The following SLC8A1 variants were observed in gnomAD, a reference collection of about 807,000 sequenced individuals.
SLC8A1 encodes sodium/calcium exchanger 1.
In SLC8A1, 18 loss-of-function variants were observed where a neutral mutation model predicts 68.3. The ratio of observed to expected loss-of-function variants is 0.26; its 90% CI spans 0.18 to 0.39. SLC8A1 has a LOEUF of 0.39. SLC8A1 is among the 10% of genes least tolerant of loss of function. SLC8A1 has a pLI of 1.00. For missense variants in SLC8A1, 985 were observed against 1,156.7 expected, an observed-to-expected ratio of 0.85 and a Z score of 2.15; for synonymous variants, 475 against 415.5, an observed-to-expected ratio of 1.14 and a Z score of -1.74.
chr2:40,465,010 A>C (rs1353391960), intron 1 of SLC8A1, among the ~76,000 whole-genome samples: 1 of 152,180 alleles, frequency 6.6e-6, no homozygotes, highest in Non-Finnish European at 1.5e-5. Context: ...AGAACACTAT[A>C]GAAGCACAGA....
intron 2 of SLC8A1, among the ~76,000 whole-genome samples, chr2:40,219,935 G>T: frequency 7.3e-6 from 1 of 136,662 alleles, no homozygotes; most frequent in Non-Finnish European, 1.5e-5. Flanking sequence ...GTCAAAATTT[G>T]GTTAGGGCAA....
intron 2 of SLC8A1, among the ~76,000 whole-genome samples, chr2:40,282,408 A>G (rs1179850880): frequency 6.6e-6 from 1 of 152,188 alleles, no homozygotes; most frequent in East Asian, 1.9e-4. Context: ...GTATCTCTGT[A>G]TTACCCAAGA....
chr2:40,278,446 C>A (rs979370335), intron 2 of SLC8A1, among the ~76,000 whole-genome samples: 1 of 151,300 alleles, frequency 6.6e-6, no homozygotes, highest in Admixed American at 6.6e-5. Flanking sequence ...TCCAGCCTGG[C>A]GACAGAGCGA....
At chr2:40,364,509 C>CTTTTTTTT (rs11377656) in intron 2 of SLC8A1, among the ~76,000 whole-genome samples, 2 of 148,684 alleles carry the variant, frequency 1.3e-5, no homozygotes, top group Non-Finnish European at 1.5e-5. Context: ...AAATTGAATC[C>CTTTTTTTT]TTTTTTTTTG....
At chr2:40,420,770 A>G (rs1695280501) in intron 2 of SLC8A1, among the ~76,000 whole-genome samples, 1 of 152,142 alleles carries the variant, frequency 6.6e-6, no homozygotes, top group Admixed American at 6.6e-5. Context: ...GGTTACTGTC[A>G]CTGCACCACA....
At chr2:40,119,963 A>G (rs1382947836) in intron 7 of SLC8A1, among the ~76,000 whole-genome samples, 1 of 152,216 alleles carries the variant, frequency 6.6e-6, no homozygotes, top group African/African-American at 2.4e-5. Flanking sequence ...CCTCAAGTTC[A>G]TGGTATATTA....
At chr2:40,203,857 A>G (rs1157056461) in intron 2 of SLC8A1, among the ~76,000 whole-genome samples, 1 of 151,702 alleles carries the variant, frequency 6.6e-6, no homozygotes, top group African/African-American at 2.4e-5. Context: ...TGCATGAACT[A>G]CCACACCTGG....
chr2:40,132,467 GGCCTCTTGGAGTATGTA>G (rs944831185), intron 7 of SLC8A1, among the ~76,000 whole-genome samples: 1 of 151,476 alleles, frequency 6.6e-6, no homozygotes, highest in African/African-American at 2.4e-5. Flanking sequence ...CAGATTATGG[GGCCTCTTGGAGTATGTA>G]GCATACAACC....
intron 2 of SLC8A1, among the ~76,000 whole-genome samples, chr2:40,346,229 G>A (rs1459659967): frequency 6.6e-6 from 1 of 152,030 alleles, no homozygotes; most frequent in African/African-American, 2.4e-5. Context: ...TGCACACAGT[G>A]AGAAGTTGAT....
At chr2:40,230,923 T>C (rs910225738) in intron 2 of SLC8A1, among the ~76,000 whole-genome samples, 1 of 152,186 alleles carries the variant, frequency 6.6e-6, no homozygotes, top group Non-Finnish European at 1.5e-5. Context: ...ATAGTGGGTG[T>C]GGTTTGAAAC....
intron 2 of SLC8A1, among the ~76,000 whole-genome samples, chr2:40,272,956 T>C (rs964077748): frequency 2.0e-5 from 3 of 152,146 alleles, no homozygotes; most frequent in Non-Finnish European, 2.9e-5. Flanking sequence ...TTTTGTTTTG[T>C]TTTTGAGATG....
chr2:40,227,744 T>TTTGGAATTAGGGG (rs2059161954), intron 2 of SLC8A1, among the ~76,000 whole-genome samples: 1 of 152,104 alleles, frequency 6.6e-6, no homozygotes, highest in African/African-American at 2.4e-5. Flanking sequence ...GATGAGGTTC[T>TTTGGAATTAGGGG]TTGGAATTAG....
intron 7 of SLC8A1, among the ~76,000 whole-genome samples, chr2:40,123,529 AT>A (rs888135549): frequency 4.6e-5 from 7 of 151,596 alleles, no homozygotes; most frequent in South Asian, 2.1e-4. Context: ...ATGATGAACA[AT>A]TTTTTTTTGA....
chr2:40,169,766 C>A (rs2270327), intron 4 of SLC8A1, among the ~76,000 whole-genome samples: 26,200 of 151,904 alleles, frequency 0.17, 3,123 homozygotes, highest in East Asian at 0.63. Flanking sequence ...CATGGTGAGA[C>A]CCCGTCTCTA....
At chr2:40,300,769 A>G (rs538395169) in intron 2 of SLC8A1, among the ~76,000 whole-genome samples, 1 of 152,286 alleles carries the variant, frequency 6.6e-6, no homozygotes, top group Admixed American at 6.5e-5. Context: ...CCGTTGAGAA[A>G]TTAATCGAGC....
At chr2:40,246,474 C>A (rs905769465) in intron 2 of SLC8A1, among the ~76,000 whole-genome samples, 60 of 152,128 alleles carry the variant, frequency 3.9e-4, no homozygotes, top group Admixed American at 3.9e-3. Context: ...TTCATTTGTT[C>A]TTCTATGAGT....
chr2:40,178,946 A>AT (rs199927419), intron 2 of SLC8A1, among the ~76,000 whole-genome samples: 60 of 152,184 alleles, frequency 3.9e-4, no homozygotes, highest in African/African-American at 1.3e-3. Flanking sequence ...CTTACAGGTC[A>AT]TTTTTTTTCC....
At chr2:40,222,973 A>G (rs1312133168) in intron 2 of SLC8A1, among the ~76,000 whole-genome samples, 2 of 152,194 alleles carry the variant, frequency 1.3e-5, no homozygotes, top group African/African-American at 4.8e-5. Context: ...TTCCTCAAGG[A>G]TCTAGAACTA....
intron 2 of SLC8A1, among the ~76,000 whole-genome samples, chr2:40,347,245 C>T (rs951349207): frequency 6.6e-6 from 1 of 152,212 alleles, no homozygotes; most frequent in Non-Finnish European, 1.5e-5. Flanking sequence ...AACGATCGTT[C>T]CAACCTTGGC....
Sources: allele counts gnomAD v4.1 joint callset (sites outside exome capture counted in the v4.1 genomes callset), GRCh38; gene constraint gnomAD v4.1.1; transcripts MANE v1.5; gene names NCBI Gene and HGNC (gene_info 2026-07-23, HGNC 2026-07-21).